ZFPM1: variants seen among roughly 807,000 people sequenced by gnomAD.
ZFPM1 encodes the protein zinc finger protein ZFPM1.
A neutral mutation model predicts 46.3 loss-of-function variants in ZFPM1; 28 were observed. The ratio of observed to expected loss-of-function variants is 0.60; its 90% CI spans 0.45 to 0.83. ZFPM1 has a LOEUF of 0.83. ZFPM1 is among the 40% of genes least tolerant of loss of function. The probability of loss-of-function intolerance (pLI) is 0.00; values close to 1 mark genes in which losing one functional copy is unlikely to be tolerated. For missense variants in ZFPM1, 1,878 were observed against 1,432.4 expected (o/e 1.31, Z -5.02); for synonymous variants, 957 against 675.9 (o/e 1.42, Z -6.45).
At chr16:88,460,921 G>GT (rs1907795595) in intron 1 of ZFPM1, among the ~76,000 whole-genome samples, 1 of 49,182 alleles carries the variant, frequency 2.0e-5, no homozygotes, top group African/African-American at 9.7e-5. Context: ...GGACCGAGGG[G>GT]CGGGGCGGGA....
intron 3 of ZFPM1, among the ~76,000 whole-genome samples, chr16:88,503,185 T>TG (rs1157906377): frequency 6.7e-6 from 1 of 150,086 alleles, no homozygotes; most frequent in Non-Finnish European, 1.5e-5. Context: ...GAGCTGTGTC[T>TG]GGGGGGCCAC....
rs547578374 is a variant in ZFPM1 at position 88,480,887 on chromosome 16, C to A, written c.41-5052C>A. On this transcript the variant is annotated intron_variant, in intron 1 of 9. Coordinates refer to ENST00000319555, the MANE Select transcript of ZFPM1 (RefSeq NM_153813.3). The surrounding 1 kb of genome is among the most constrained non-coding windows in gnomAD (Gnocchi z 4.9). ...ACAGTCGTTCAAAGGAGCCCCCCAG[C>A]GCCTCGCCATCAAAGCCGGGAGGGG... 6.6e-6 allele frequency among the ~76,000 whole-genome samples: 1 copy of A among 152,228 alleles called. No individual in the cohort carries two copies. The highest frequency in any genetic ancestry group is 2.1e-4 in the South Asian group (1 of 4,834).
intron 1 of ZFPM1, among the ~76,000 whole-genome samples, chr16:88,470,779 C>T (rs1197332345): frequency 7.6e-5 from 4 of 52,852 alleles, no homozygotes; most frequent in East Asian, 8.4e-4. Flanking sequence ...GGATGTGGCA[C>T]GGTGTGGAGG....
At position 88,534,810 on chromosome 16, in the gene ZFPM1, C is replaced by T; in HGVS notation, c.2852C>T (p.Ser951Phe). 2 of 1,473,428 alleles carry T rather than the reference C, an allele frequency of 1.4e-6. No homozygotes were observed. Among genetic ancestry groups the T allele is most frequent in the Middle Eastern group, 1.9e-4 (1 of 5,388 alleles). The allele number at this position is 1,473,428 out of a possible 1,614,324, so 91.3% of individuals were successfully genotyped here. ...EAVPPPPAPP[S>F]YSDKGVQTPS... ...GTGCCGCCCCCGCCGGCGCCCCCCT[C>T]CTACTCGGACAAGGGCGTCCAGACT... Residue 951 changes from serine (S) to phenylalanine (F), a missense_variant, in exon 10 of 10, where the codon TCC becomes TTC. Physicochemically the swap from Ser to Phe is radical, Grantham distance 155. Transcript: ENST00000319555.
intron 4 of ZFPM1, among the ~76,000 whole-genome samples, chr16:88,519,493 T>C (rs1456973361): frequency 6.7e-6 from 1 of 149,402 alleles, no homozygotes; most frequent in East Asian, 2.0e-4. Flanking sequence ...TATGGGTGGA[T>C]GGATGAGTGG....
rs1288971438 is a variant in ZFPM1 at position 88,528,084 on chromosome 16, G to A, written c.558G>A (p.Leu186=). The A allele has an allele frequency of 1.9e-6, 3 of 1,570,948 alleles. No individual in the cohort carries two copies. The highest frequency in any genetic ancestry group is 1.9e-5 in the Admixed American group (1 of 54,006). Residue 186 remains leucine (L), a synonymous_variant, in exon 6 of 10, where the codon CTG becomes CTA. Coordinates refer to ENST00000319555, the MANE Select transcript of ZFPM1 (RefSeq NM_153813.3). The part of the protein sequence containing the change: ...VTKPVPAGGL[L]SVLLTAEPHS... ...AGCCGGTGCCTGCGGGGGGACTCCTGAGCGTGCTCCTCACGGCCGAGCCCC... is the reference window on the plus strand; with the variant it reads ...AGCCGGTGCCTGCGGGGGGACTCCTAAGCGTGCTCCTCACGGCCGAGCCCC...
At position 88,532,668 on chromosome 16, in the gene ZFPM1, A is replaced by G; in HGVS notation, c.1001A>G (p.Asn334Ser). ...CTGTCGGCCTTCACCACCAAGGCCAACTGCGAGCGGCACCTCAAGGTGCAC... is the reference window on the plus strand; with the variant it reads ...CTGTCGGCCTTCACCACCAAGGCCAGCTGCGAGCGGCACCTCAAGGTGCAC... ...ICLSAFTTKANCERHLKVHTD... is the reference protein window; with the variant it reads ...ICLSAFTTKASCERHLKVHTD... Residue 334 changes from asparagine to serine, a missense_variant, in exon 8 of 10, where the codon AAC (asparagine) becomes AGC (serine). Coordinates refer to ENST00000319555, the MANE Select transcript of ZFPM1 (RefSeq NM_153813.3). 1 of 1,602,774 alleles carries G rather than the reference A, an allele frequency of 6.2e-7. No individual in the cohort carries two copies. The highest frequency in any genetic ancestry group is 1.1e-5 in the South Asian group (1 of 89,914).
chr16:88,534,270 C>CAGGAAG lies in ZFPM1; in HGVS notation c.2312_2313insAGGAAG (p.Ser777_Gly778dup). On this transcript the variant is annotated inframe_insertion, in exon 10 of 10. Coordinates refer to ENST00000319555, the MANE Select transcript of ZFPM1 (RefSeq NM_153813.3). The stretch of plus-strand genomic sequence containing the variant: ...GCCCCCGCGCCCGAGTCGCCGCGGC[C>CAGGAAG]CGGAAGCGGAAGCGGAAGCGGCCCC... The CAGGAAG allele has an allele frequency of 1.8e-6, 2 of 1,123,906 alleles. No individual in the cohort carries two copies. The highest frequency in any genetic ancestry group is 2.2e-6 in the Non-Finnish European group (2 of 922,972). 69.6% of individuals were successfully genotyped at this position (1,123,906 alleles called of 1,614,324 possible).
In ZFPM1 at chr16:88,528,071, C is replaced by CG. The variant is rs1185024585; in HGVS notation, c.551dup (p.Leu185ThrfsTer197). 2 of 1,563,406 alleles carry CG rather than the reference C, an allele frequency of 1.3e-6. No homozygotes were observed. The highest frequency in any genetic ancestry group is 1.7e-6 in the Non-Finnish European group (2 of 1,154,106). On this transcript the variant is annotated frameshift_variant, in exon 6 of 10. Transcript: ENST00000319555. LOFTEE classifies it high-confidence loss of function. ...TGCAGGGTCACCAAGCCGGTGCCTG[C>CG]GGGGGGACTCCTGAGCGTGCTCCTC...
chr16:88,501,239 T>C (rs12932080), intron 3 of ZFPM1, among the ~76,000 whole-genome samples: 649 of 58,724 alleles, frequency 0.011, 32 homozygotes, highest in African/African-American at 0.038. Flanking sequence ...GTGCATGGGC[T>C]CTCCCGCAGG....
intron 3 of ZFPM1, among the ~76,000 whole-genome samples, chr16:88,508,571 G>T (rs1480574437): frequency 6.6e-6 from 1 of 152,252 alleles, no homozygotes; most frequent in Non-Finnish European, 1.5e-5. Flanking sequence ...ACCTCTCCCA[G>T]ATGTGGCCTT....
chr16:88,485,299 G>A (rs1361465729), intron 1 of ZFPM1, among the ~76,000 whole-genome samples: 1 of 152,196 alleles, frequency 6.6e-6, no homozygotes, highest in African/African-American at 2.4e-5. Flanking sequence ...AGAGACACGG[G>A]GTCCGCGGCC....
In ZFPM1 at chr16:88,534,055, C is replaced by T. The variant is rs761035072; in HGVS notation, c.2097C>T (p.Thr699=). Residue 699 remains threonine, a synonymous_variant, in exon 10 of 10, where the codon ACC becomes ACT. Coordinates refer to ENST00000319555, the MANE Select transcript of ZFPM1 (RefSeq NM_153813.3). ...NIRFSRHETY[T]VHKRYYCASR... ...GCTTCAGCCGCCACGAGACCTACAC[C>T]GTGCACAAGCGGTACTACTGCGCCT... 4 of 1,305,998 alleles carry T rather than the reference C, an allele frequency of 3.1e-6. No individual in the cohort carries two copies. The highest frequency in any genetic ancestry group is 4.0e-6 in the Non-Finnish European group (4 of 1,008,530). The allele number at this position is 1,305,998 out of a possible 1,614,324, so 80.9% of individuals were successfully genotyped here.
In ZFPM1 at chr16:88,533,382, TCCTGGGCCCCGGAGAG is replaced by T; in HGVS notation, c.1435_1450del (p.Gly479ArgfsTer314). ...GTGGAGGAGCCGGAGGCGGCCCCCA[TCCTGGGCCCCGGAGAG>T]CCTGGGCCCCAGGCCCCGTCGCGGA... On this transcript the variant is annotated frameshift_variant, in exon 10 of 10. Coordinates refer to ENST00000319555, the MANE Select transcript of ZFPM1 (RefSeq NM_153813.3). LOFTEE classifies it low-confidence loss of function (END_TRUNC). 3 of 1,525,236 alleles carry T rather than the reference TCCTGGGCCCCGGAGAG, an allele frequency of 2.0e-6. No homozygotes were observed. The highest frequency in any genetic ancestry group is 2.6e-6 in the Non-Finnish European group (3 of 1,142,412). The allele number at this position is 1,525,236 out of a possible 1,614,324, so 94.5% of individuals were successfully genotyped here.
chr16:88,488,318 C>T (rs1283854865), intron 2 of ZFPM1, among the ~76,000 whole-genome samples: 1 of 152,140 alleles, frequency 6.6e-6, no homozygotes, highest in Non-Finnish European at 1.5e-5. Flanking sequence ...CGGGAAGGAG[C>T]TGGAAAAAAC....
At chr16:88,476,299 C>A (rs987964161) in intron 1 of ZFPM1, among the ~76,000 whole-genome samples, 1 of 152,232 alleles carries the variant, frequency 6.6e-6, no homozygotes, top group African/African-American at 2.4e-5. Context: ...GCCAGCCACA[C>A]CCCACCAGCC....
intron 6 of ZFPM1, among the ~76,000 whole-genome samples, chr16:88,531,337 G>C (rs1912769036): frequency 6.6e-6 from 1 of 152,192 alleles, no homozygotes; most frequent in South Asian, 2.1e-4. Flanking sequence ...CGTAAGCAGA[G>C]TGCAAGCCCC....
chr16:88,519,116 G>A (rs371090099), intron 4 of ZFPM1, among the ~76,000 whole-genome samples: 12 of 148,370 alleles, frequency 8.1e-5, no homozygotes, highest in African/African-American at 2.8e-4. Context: ...ATGGGTGGAT[G>A]GATGGATGGA....
At chr16:88,525,468 T>C (rs1476014499) in intron 4 of ZFPM1, among the ~76,000 whole-genome samples, 1 of 152,214 alleles carries the variant, frequency 6.6e-6, no homozygotes. Flanking sequence ...GCAAAGGTCA[T>C]GGTGCAGGAA....
Sources: gnomAD v4.1 joint callset for allele counts (sites outside exome capture counted in the v4.1 genomes callset) on GRCh38, gnomAD v4.1.1 for gene constraint, Gnocchi (gnomAD v3.1) non-coding constraint, MANE v1.5 for transcripts, NCBI Gene and HGNC (gene_info 2026-07-23, HGNC 2026-07-21) for gene names.